The following PCOLCE2 variants were observed in gnomAD, a reference collection of about 807,000 sequenced individuals.
PCOLCE2 encodes the protein procollagen C-endopeptidase enhancer 2.
PCOLCE2 carries 42 observed loss-of-function variants against 47.0 expected under a neutral mutation model. That is an observed-to-expected ratio of 0.89 (90% CI 0.70 to 1.16). The LOEUF is 1.16. PCOLCE2 is among the 50% of genes most tolerant of loss of function. PCOLCE2 has a pLI of 0.00. For synonymous variants in PCOLCE2, 169 were observed against 191.7 expected (o/e 0.88, Z 0.98); for missense variants, 500 against 526.1 (o/e 0.95, Z 0.49).
chr3:142,852,456 T>C (rs1249472136), intron 2 of PCOLCE2, among the ~76,000 whole-genome samples: 1 of 152,126 alleles, frequency 6.6e-6, no homozygotes, highest in African/African-American at 2.4e-5. Flanking sequence ...AACACCTGGA[T>C]ACCAACCACG....
chr3:142,850,104 A>G (rs1316504413), intron 2 of PCOLCE2, among the ~76,000 whole-genome samples: 6 of 152,208 alleles, frequency 3.9e-5, no homozygotes, highest in Non-Finnish European at 7.3e-5. Flanking sequence ...CTAATAACAG[A>G]AAGAACAATT....
chr3:142,853,964 T>C (rs1268494225), intron 2 of PCOLCE2, among the ~76,000 whole-genome samples: 1 of 152,218 alleles, frequency 6.6e-6, no homozygotes, highest in African/African-American at 2.4e-5. Flanking sequence ...ATGTCCTCAC[T>C]GTCACAAGCA....
intron 2 of PCOLCE2, among the ~76,000 whole-genome samples, chr3:142,871,192 T>A (rs1933380840): frequency 6.6e-6 from 1 of 152,206 alleles, no homozygotes; most frequent in African/African-American, 2.4e-5. Flanking sequence ...GGCTCTATTT[T>A]AAAATATATC....
intron 3 of PCOLCE2, chr3:142,846,853 GTTTA>G (rs377757613): frequency 1.3e-4 from 19 of 151,166 alleles, no homozygotes; most frequent in African/African-American, 4.2e-4. Flanking sequence ...TTCTCAATTT[GTTTA>G]TTTATTATGC....
At chr3:142,885,360 G>A (rs955538875) in intron 2 of PCOLCE2, among the ~76,000 whole-genome samples, 25 of 152,156 alleles carry the variant, frequency 1.6e-4, no homozygotes, top group Non-Finnish European at 8.8e-5. Flanking sequence ...ATCTCCAGCG[G>A]CCTCTGTGAT....
intron 2 of PCOLCE2, chr3:142,887,439 G>C (rs1933737175): frequency 2.5e-6 from 1 of 397,022 alleles, no homozygotes; most frequent in Non-Finnish European, 4.5e-6. Flanking sequence ...TCTGCTCTGA[G>C]AATTTATTCC....
chr3:142,820,646 C>T (rs538151870), intron 8 of PCOLCE2, among the ~76,000 whole-genome samples: 1 of 152,280 alleles, frequency 6.6e-6, no homozygotes, highest in South Asian at 2.1e-4. Context: ...GTGTCTGTTG[C>T]CTATTGACTC....
chr3:142,823,268 A>G (rs1937035549), intron 7 of PCOLCE2, among the ~76,000 whole-genome samples: 1 of 152,238 alleles, frequency 6.6e-6, no homozygotes, highest in South Asian at 2.1e-4. Flanking sequence ...AGGAATAGTC[A>G]GCCAGAACAC....
At chr3:142,820,666 C>T (rs1002952647) in intron 8 of PCOLCE2, among the ~76,000 whole-genome samples, 16 of 152,204 alleles carry the variant, frequency 1.1e-4, no homozygotes, top group Non-Finnish European at 2.2e-4. Context: ...CAACTTCAAA[C>T]GCTTCTTTCA....
chr3:142,888,891 C>T lies in PCOLCE2; in HGVS notation c.6G>A (p.Arg2=). The change falls in exon 1 of 9, where the codon AGG becomes AGA. Residue 2 remains arginine (R), a synonymous_variant. Coordinates refer to ENST00000295992, the MANE Select transcript of PCOLCE2 (RefSeq NM_013363.4). ...AGAGTGGCGCCCAGGCGTTCGCGCC[C>T]CTCATGGCAGCGTAGACGCTCGGGG... M[R]GANAWAPLCL... 6.7e-7 allele frequency: 1 copy of T among 1,502,592 alleles called. No homozygotes were observed. The highest frequency in any genetic ancestry group is 8.9e-7 in the Non-Finnish European group (1 of 1,128,362). 93.1% of individuals were successfully genotyped at this position (1,502,592 alleles called of 1,614,324 possible).
At chr3:142,886,384 A>G (rs1390867746) in intron 2 of PCOLCE2, among the ~76,000 whole-genome samples, 1 of 152,236 alleles carries the variant, frequency 6.6e-6, no homozygotes, top group East Asian at 1.9e-4. Flanking sequence ...TTAAAACACA[A>G]TCACGACATG....
chr3:142,877,744 C>T (rs1255321306), intron 2 of PCOLCE2, among the ~76,000 whole-genome samples: 4 of 152,176 alleles, frequency 2.6e-5, no homozygotes, highest in Admixed American at 1.3e-4. Flanking sequence ...CAGTATCACA[C>T]GTACTACCCT....
In PCOLCE2 at chr3:142,823,532, CA is replaced by C. The variant is rs751881241; in HGVS notation, c.948del (p.Phe316LeufsTer3). The C allele has an allele frequency of 2.5e-6, 4 of 1,584,790 alleles. No homozygotes were observed. The highest frequency in any genetic ancestry group is 2.7e-5 in the African/African-American group (2 of 74,224). On this transcript the variant is annotated frameshift_variant and splice_region_variant, in exon 7 of 9. Transcript: ENST00000295992. LOFTEE classifies it high-confidence loss of function. Reference sequence around the variant, plus strand: ...AAAAAGACTGGCTTTTATTTCTTACCAAAGTCACTTGAACAATAATTGCCCT... The same window carrying C: ...AAAAAGACTGGCTTTTATTTCTTACCAAGTCACTTGAACAATAATTGCCCT... Reference protein sequence around the residue: ...TLEGNYCSSDFVLAGTVITTI... With the variant: ...TLEGNYCSSDXVLAGTVITTI...
intron 4 of PCOLCE2, among the ~76,000 whole-genome samples, chr3:142,841,653 T>G (rs1396724995): frequency 6.6e-6 from 1 of 152,240 alleles, no homozygotes; most frequent in African/African-American, 2.4e-5. Flanking sequence ...TTTGGAATTA[T>G]GATCACTGTT....
chr3:142,837,301 C>T (rs911682511), intron 5 of PCOLCE2, among the ~76,000 whole-genome samples: 5 of 152,212 alleles, frequency 3.3e-5, no homozygotes, highest in African/African-American at 1.2e-4. Context: ...TTTTAAGTCG[C>T]TGCACGTGTG....
At chr3:142,820,667 G>A (rs1161375577) in intron 8 of PCOLCE2, among the ~76,000 whole-genome samples, 2 of 152,114 alleles carry the variant, frequency 1.3e-5, no homozygotes, top group African/African-American at 2.4e-5. Flanking sequence ...AACTTCAAAC[G>A]CTTCTTTCAC....
chr3:142,828,373 A>G (rs1276957389), intron 6 of PCOLCE2, among the ~76,000 whole-genome samples: 1 of 152,242 alleles, frequency 6.6e-6, no homozygotes, highest in African/African-American at 2.4e-5. Context: ...ATTCATTAAC[A>G]TTAAATTAAA....
intron 5 of PCOLCE2, among the ~76,000 whole-genome samples, chr3:142,833,902 G>A (rs140431146): frequency 6.6e-6 from 1 of 152,018 alleles, no homozygotes; most frequent in African/African-American, 2.4e-5. Flanking sequence ...CTCTTTCAGG[G>A]TATATTCTGA....
intron 2 of PCOLCE2, among the ~76,000 whole-genome samples, chr3:142,879,946 G>C (rs897751634): frequency 6.8e-6 from 1 of 146,634 alleles, no homozygotes; most frequent in African/African-American, 2.6e-5. Flanking sequence ...ACTCCAGCCT[G>C]GGCGACAGAG....
Sources: gnomAD v4.1 joint callset for allele counts (sites outside exome capture counted in the v4.1 genomes callset) on GRCh38, gnomAD v4.1.1 for gene constraint, MANE v1.5 for transcripts, NCBI Gene and HGNC (gene_info 2026-07-23, HGNC 2026-07-21) for gene names.